ZC3H12B: variants seen among roughly 807,000 people sequenced by gnomAD.
The protein encoded by ZC3H12B is zinc finger CCCH-type containing 12B.
ZC3H12B carries 7 observed loss-of-function variants against 43.9 expected under a neutral mutation model. The ratio of observed to expected loss-of-function variants is 0.16; its 90% CI spans 0.09 to 0.30. ZC3H12B has a LOEUF of 0.30. Among genes scored for constraint, ZC3H12B ranks in the 10% least tolerant of loss-of-function variants. The probability of loss-of-function intolerance (pLI) is 1.00; values close to 1 mark genes in which losing one functional copy is unlikely to be tolerated. For missense variants in ZC3H12B, 475 were observed against 670.2 expected (o/e 0.71, Z 3.22); for synonymous variants, 222 against 241.7 (o/e 0.92, Z 0.76).
At chrX:65,449,775 T>A (rs769554198) in intron 3 of ZC3H12B, among the ~76,000 whole-genome samples, 10 of 111,577 alleles carry the variant, frequency 9.0e-5, no homozygotes, top group Non-Finnish European at 1.7e-4. Flanking sequence ...TACTGTATGT[T>A]CTCACTTATA....
chrX:65,256,273 C>T, the ZC3H12B span, among the ~76,000 whole-genome samples: 1 of 112,035 alleles, frequency 8.9e-6, no homozygotes, highest in Non-Finnish European at 1.9e-5. Context: ...CTAAAATTAA[C>T]TACACAGTTG....
At chrX:65,253,897 C>T in the ZC3H12B span, among the ~76,000 whole-genome samples, 2 of 112,035 alleles carry the variant, frequency 1.8e-5, no homozygotes, top group South Asian at 3.7e-4. Context: ...GGCAGTGCAC[C>T]GTGAGCAGAG....
At chrX:65,388,786 G>T (rs1288946425) in intron 2 of ZC3H12B, among the ~76,000 whole-genome samples, 1 of 111,391 alleles carries the variant, frequency 9.0e-6, no homozygotes, top group Non-Finnish European at 1.9e-5. Flanking sequence ...TCTACCTTTA[G>T]TCTTTGATGA....
At chrX:65,369,546 CTCTACTTCA>C (rs1199775928) in intron 2 of ZC3H12B, among the ~76,000 whole-genome samples, 1 of 111,530 alleles carries the variant, frequency 9.0e-6, no homozygotes, top group Non-Finnish European at 1.9e-5. Flanking sequence ...AGAATTCTAC[CTCTACTTCA>C]TTGTGCCCCT....
chrX:65,450,122 T>C (rs1356054911), intron 3 of ZC3H12B, among the ~76,000 whole-genome samples: 5 of 107,705 alleles, frequency 4.6e-5, no homozygotes, highest in Non-Finnish European at 7.6e-5. Flanking sequence ...CTGGCCAAGA[T>C]GGCGAAACCC....
the ZC3H12B span, among the ~76,000 whole-genome samples, chrX:65,054,587 T>C: frequency 1.8e-5 from 2 of 112,011 alleles, no homozygotes; most frequent in East Asian, 5.6e-4. Flanking sequence ...TTTGGTTCTA[T>C]ATGAACTTTA....
At chrX:65,396,297 C>G (rs757418141) in intron 2 of ZC3H12B, among the ~76,000 whole-genome samples, 1 of 111,978 alleles carries the variant, frequency 8.9e-6, no homozygotes, top group Admixed American at 9.5e-5. Context: ...TAGATCTTTT[C>G]GGCTTTCTGA....
chrX:65,124,383 C>T, the ZC3H12B span, among the ~76,000 whole-genome samples: 16 of 111,013 alleles, frequency 1.4e-4, no homozygotes, highest in East Asian at 4.5e-3. Flanking sequence ...CTGTTGGACT[C>T]AGTTTGCTGG....
the ZC3H12B span, among the ~76,000 whole-genome samples, chrX:65,086,085 CAT>C: frequency 7.8e-5 from 8 of 102,282 alleles, no homozygotes; most frequent in South Asian, 3.3e-3. Context: ...ACTTCAAAAT[CAT>C]GTGTTACATT....
intron 3 of ZC3H12B, among the ~76,000 whole-genome samples, chrX:65,443,356 G>A (rs1043172788): frequency 9.0e-6 from 1 of 110,794 alleles, no homozygotes; most frequent in Non-Finnish European, 1.9e-5. Context: ...AGACCAGCTC[G>A]GCTGGGGAGA....
chrX:65,284,252 A>ACAC, the ZC3H12B span, among the ~76,000 whole-genome samples: 625 of 80,610 alleles, frequency 7.8e-3, 12 homozygotes, highest in African/African-American at 0.026. Context: ...ACACACACAC[A>ACAC]AAAAAAAAAA....
intron 3 of ZC3H12B, among the ~76,000 whole-genome samples, chrX:65,467,651 G>C (rs1458223776): frequency 9.0e-6 from 1 of 111,689 alleles, no homozygotes; most frequent in East Asian, 2.8e-4. Flanking sequence ...TTCTAGCTAG[G>C]GTAAGGTGAT....
At chrX:65,090,109 A>G in the ZC3H12B span, among the ~76,000 whole-genome samples, 2 of 112,443 alleles carry the variant, frequency 1.8e-5, no homozygotes, top group African/African-American at 6.5e-5. Flanking sequence ...TATGTACTAT[A>G]TGTAATTGTA....
the ZC3H12B span, among the ~76,000 whole-genome samples, chrX:65,212,619 A>G: frequency 2.4e-5 from 2 of 84,333 alleles, no homozygotes. Flanking sequence ...TATATGATAT[A>G]TAATATATAT....
intron 3 of ZC3H12B, among the ~76,000 whole-genome samples, chrX:65,436,885 G>A (rs189362089): frequency 5.4e-5 from 6 of 110,763 alleles, no homozygotes; most frequent in Admixed American, 3.8e-4. Context: ...ACAACAAATG[G>A]TTATTGGCTT....
At chrX:65,366,256 G>A (rs1218957519), upstream of ZC3H12B, among the ~76,000 whole-genome samples, 1 of 110,488 alleles carries the variant, frequency 9.1e-6, no homozygotes, top group African/African-American at 3.3e-5. Flanking sequence ...AAAAGAGAAT[G>A]GTGCTTTTTT....
At chrX:65,473,008 A>G (rs1470666597) in intron 3 of ZC3H12B, among the ~76,000 whole-genome samples, 3 of 95,286 alleles carry the variant, frequency 3.1e-5, no homozygotes, top group African/African-American at 3.9e-5. Flanking sequence ...GTATATATAT[A>G]TATATATATC....
At chrX:65,189,656 C>T in the ZC3H12B span, among the ~76,000 whole-genome samples, 3 of 102,240 alleles carry the variant, frequency 2.9e-5, no homozygotes, top group Admixed American at 1.1e-4. Context: ...TTGTTTTTTT[C>T]TTGTAAATTT....
chrX:65,352,936 C>T, the ZC3H12B span, among the ~76,000 whole-genome samples: 85 of 111,488 alleles, frequency 7.6e-4, no homozygotes, highest in African/African-American at 2.5e-3. Context: ...CAGCCTTGAC[C>T]TCCTAGGCTC....
Sources: allele counts gnomAD v4.1 joint callset (sites outside exome capture counted in the v4.1 genomes callset), GRCh38; gene constraint gnomAD v4.1.1; transcripts MANE v1.5; gene names NCBI Gene and HGNC (gene_info 2026-07-23, HGNC 2026-07-21).